Variants in MYO1B observed in about 807,000 individuals in gnomAD.
MYO1B encodes myosin IB.
Under a neutral mutation model 159.7 loss-of-function variants are expected in MYO1B, and 72 were observed. That is an observed-to-expected ratio of 0.45 (90% CI 0.37 to 0.55). MYO1B has a LOEUF of 0.55. Among genes scored for constraint, MYO1B ranks in the 20% least tolerant of loss-of-function variants. The pLI, the probability that MYO1B is intolerant of heterozygous loss-of-function variation, is 0.00. For synonymous variants in MYO1B, 468 were observed against 473.8 expected (o/e 0.99, Z 0.16); for missense variants, 1,062 against 1,364.8 (o/e 0.78, Z 3.50).
intron 7 of MYO1B, among the ~76,000 whole-genome samples, chr2:191,360,408 T>A (rs1693587564): frequency 6.6e-6 from 1 of 152,230 alleles, no homozygotes; most frequent in Non-Finnish European, 1.5e-5. Context: ...TGAATGTAAC[T>A]TATTTATATA....
Position 191,363,827 on chromosome 2 carries a change from G to A in MYO1B, c.865G>A (p.Glu289Lys), listed in dbSNP as rs1693830981. 8 of 1,613,802 alleles carry A rather than the reference G, an allele frequency of 5.0e-6. No individual in the cohort carries two copies. The highest frequency in any genetic ancestry group is 1.1e-5 in the South Asian group (1 of 91,076). ...ACTGGGGAACATTGAGTTCAAGCCC[G>A]AATCTCGAGTGAATGGTCTAGATGA... ...LKLGNIEFKP[E>K]SRVNGLDESK... The change falls in exon 10 of 31, where the codon GAA (glutamate) becomes AAA (lysine). Residue 289 changes from glutamate (E) to lysine (K), a missense_variant. Glu to Lys is a moderately conservative substitution (Grantham distance 56). This residue lies in a region of MYO1B where 415 missense variants were observed against 544.0 expected (regional missense o/e 0.76). Transcript: ENST00000392318.
chr2:191,417,765 A>C (rs1697664169), intron 30 of MYO1B, among the ~76,000 whole-genome samples: 1 of 152,210 alleles, frequency 6.6e-6, no homozygotes, highest in Admixed American at 6.5e-5. Context: ...TTTCTTCACT[A>C]CATTACATCT....
chr2:191,405,826 A>C, intron 24 of MYO1B, among the ~76,000 whole-genome samples: 1 of 152,272 alleles, frequency 6.6e-6, no homozygotes, highest in East Asian at 1.9e-4. Flanking sequence ...TAGATTTAGC[A>C]TAATTCCTAA....
At chr2:191,321,547 T>C (rs1479962663) in intron 3 of MYO1B, among the ~76,000 whole-genome samples, 4 of 152,194 alleles carry the variant, frequency 2.6e-5, no homozygotes, top group Non-Finnish European at 4.4e-5. Flanking sequence ...TTTAAGAGCT[T>C]ATTGAATTTG....
chr2:191,354,621 C>A (rs537991454), intron 7 of MYO1B, among the ~76,000 whole-genome samples: 4 of 152,172 alleles, frequency 2.6e-5, no homozygotes, highest in African/African-American at 9.6e-5. Context: ...TGACAACCCC[C>A]CGCCCCCTAC....
rs148484530 is a variant in MYO1B, at chr2:191,258,521, G to A, written c.-10+12895G>A. Among the ~76,000 whole-genome samples the A allele has an allele frequency of 6.2e-4, 95 of 152,300 alleles. 1 individual carries two copies. In the East Asian group the frequency reaches 0.01, roughly 17 times the overall value. Reference sequence around the variant, plus strand: ...AAACACAAAGTAATTGCATCATGACGTCACTAGTCGATAGGAATTTTTCAA... The same window carrying A: ...AAACACAAAGTAATTGCATCATGACATCACTAGTCGATAGGAATTTTTCAA... On this transcript the variant is annotated intron_variant, in intron 1 of 30. Coordinates refer to ENST00000392318, the MANE Select transcript of MYO1B (RefSeq NM_001130158.3).
intron 1 of MYO1B, among the ~76,000 whole-genome samples, chr2:191,258,602 A>G (rs889267106): frequency 6.6e-6 from 1 of 152,218 alleles, no homozygotes; most frequent in South Asian, 2.1e-4. Flanking sequence ...GTTGACAGAA[A>G]CAGATGTGGT....
intron 8 of MYO1B, among the ~76,000 whole-genome samples, chr2:191,361,100 A>G (rs1015807523): frequency 3.9e-5 from 6 of 152,202 alleles, no homozygotes; most frequent in African/African-American, 1.2e-4. Flanking sequence ...ATACTGTGCC[A>G]TACGTCTCCG....
At chr2:191,366,467 G>A (rs1694018424) in intron 11 of MYO1B, among the ~76,000 whole-genome samples, 1 of 151,988 alleles carries the variant, frequency 6.6e-6, no homozygotes, top group Admixed American at 6.6e-5. Flanking sequence ...GCTGTGAGAA[G>A]TGATTTGTTT....
chr2:191,367,092 G>A (rs1694059418), intron 11 of MYO1B, among the ~76,000 whole-genome samples: 1 of 152,098 alleles, frequency 6.6e-6, no homozygotes, highest in Admixed American at 6.5e-5. Context: ...AGCTGCAGAA[G>A]TGCATGGTCT....
chr2:191,353,235 A>G (rs1693035687), intron 7 of MYO1B, among the ~76,000 whole-genome samples: 1 of 152,176 alleles, frequency 6.6e-6, no homozygotes, highest in African/African-American at 2.4e-5. Flanking sequence ...GTGATGTTAA[A>G]TAATATTTCT....
In MYO1B at chr2:191,402,682, A is replaced by T. The variant is rs1696685817; in HGVS notation, c.2520A>T (p.Ala840=). 6.2e-7 allele frequency: 1 copy of T among 1,613,598 alleles called. No homozygotes were observed. The highest frequency in any genetic ancestry group is 1.7e-5 in the Admixed American group (1 of 59,982). Reference sequence around the variant, plus strand: ...AGGAGGAGGCTAGGCGTAAGCATGCAGTTGCTGTCATTTGGGCTTACTGGC... The same window carrying T: ...AGGAGGAGGCTAGGCGTAAGCATGCTGTTGCTGTCATTTGGGCTTACTGGC... The part of the protein sequence containing the change: ...RLKEEARRKH[A]VAVIWAYWLG... The change falls in exon 24 of 31, where the codon GCA becomes GCT. Residue 840 remains alanine, a synonymous_variant. Coordinates refer to ENST00000392318, the MANE Select transcript of MYO1B (RefSeq NM_001130158.3).
At chr2:191,314,932 G>A (rs1427300151) in intron 3 of MYO1B, among the ~76,000 whole-genome samples, 1 of 152,118 alleles carries the variant, frequency 6.6e-6, no homozygotes, top group Non-Finnish European at 1.5e-5. Context: ...TGACTCAGTG[G>A]TGCTATATTT....
At chr2:191,388,720 T>A (rs1221136745) in intron 17 of MYO1B, among the ~76,000 whole-genome samples, 2 of 152,170 alleles carry the variant, frequency 1.3e-5, no homozygotes, top group Non-Finnish European at 2.9e-5. Context: ...TTTTGCATCT[T>A]AACTCTATTT....
At chr2:191,371,878 T>C (rs979516681) in intron 13 of MYO1B, among the ~76,000 whole-genome samples, 6 of 152,200 alleles carry the variant, frequency 3.9e-5, no homozygotes, top group African/African-American at 9.6e-5. Flanking sequence ...CAGCATCTGC[T>C]TGTATTGCTG....
At chr2:191,370,139 A>G in intron 12 of MYO1B, 88 bp from the exon 13 acceptor site, 1 of 837,136 alleles carries the variant, frequency 1.2e-6, no homozygotes, top group South Asian at 1.8e-5. Flanking sequence ...AAACATAATT[A>G]ATTTGTAATA....
rs557876475 is a variant in MYO1B at position 191,294,665 on chromosome 2, G to C, written c.136-1446G>C. On this transcript the variant is annotated intron_variant, in intron 2 of 30. Transcript: ENST00000392318. ...ATTAATTGGGTCCTAGTGATAGAAT[G>C]TTAGAAATAAATGTGAAAAATTGCA... 9.9e-5 allele frequency among the ~76,000 whole-genome samples: 15 copies of C among 151,196 alleles called. No homozygotes were observed. In the South Asian group the frequency reaches 3.1e-3, roughly 31 times the overall value.
chr2:191,308,453 G>A (rs1299321874), intron 3 of MYO1B, among the ~76,000 whole-genome samples: 2 of 152,168 alleles, frequency 1.3e-5, no homozygotes, highest in African/African-American at 4.8e-5. Flanking sequence ...ACATGTTTAA[G>A]GGTAGCAACA....
chr2:191,275,681 GTA>G lies in MYO1B; in HGVS notation c.-9-1200_-9-1199del, dbSNP rs1311874627. Among the ~76,000 whole-genome samples, 3 of 152,178 alleles carry G rather than the reference GTA, an allele frequency of 2.0e-5. No individual in the cohort carries two copies. In the East Asian group the frequency reaches 5.8e-4, roughly 29 times the overall value. ...CCTTTCCACTCATTATCAGTGGCAGGTATATATGTAAGTATTTATTAGTATTC... is the reference window on the plus strand; with the variant it reads ...CCTTTCCACTCATTATCAGTGGCAGGTATATGTAAGTATTTATTAGTATTC... On this transcript the variant is annotated intron_variant, in intron 1 of 30. Transcript: ENST00000392318.
Sources: gnomAD v4.1 joint callset for allele counts (sites outside exome capture counted in the v4.1 genomes callset) on GRCh38, gnomAD v4.1.1 for gene constraint, gnomAD v4.1.1 regional missense constraint, MANE v1.5 for transcripts, NCBI Gene and HGNC (gene_info 2026-07-23, HGNC 2026-07-21) for gene names.